Variants in ADAMTS12 observed in about 807,000 individuals in gnomAD.
The protein encoded by ADAMTS12 is A disintegrin and metalloproteinase with thrombospondin motifs 12.
Under a neutral mutation model 167.8 loss-of-function variants are expected in ADAMTS12, and 118 were observed. The observed-to-expected ratio is 0.70, with a 90% CI of 0.61 to 0.82. The LOEUF (loss-of-function observed/expected upper bound fraction) is 0.82. Among genes scored for constraint, ADAMTS12 ranks in the 40% least tolerant of loss-of-function variants. The pLI, the probability that ADAMTS12 is intolerant of heterozygous loss-of-function variation, is 0.00. For synonymous variants in ADAMTS12, 704 were observed against 716.9 expected (o/e 0.98, Z 0.29); for missense variants, 1,916 against 1,998.8 (o/e 0.96, Z 0.79).
chr5:33,660,752 G>T (rs1323480630), intron 6 of ADAMTS12, among the ~76,000 whole-genome samples: 2 of 152,110 alleles, frequency 1.3e-5, no homozygotes, highest in South Asian at 2.1e-4. Flanking sequence ...TTTCCCAGGG[G>T]ACCTATTGAT....
chr5:33,615,760 C>A, intron 15 of ADAMTS12, 68 bp downstream of exon 15: 1 of 1,582,382 alleles, frequency 6.3e-7, no homozygotes, highest in Non-Finnish European at 8.6e-7. Flanking sequence ...CTAGCAAGTA[C>A]CTTGGGGAAA....
chr5:33,539,665 G>A (rs79629827), intron 22 of ADAMTS12, among the ~76,000 whole-genome samples: 4,784 of 152,212 alleles, frequency 0.031, 272 homozygotes, highest in African/African-American at 0.11. Flanking sequence ...CACGAAAACC[G>A]AAGTATCCAG....
chr5:33,690,670 T>G (rs1264432508), intron 3 of ADAMTS12, among the ~76,000 whole-genome samples: 2 of 152,156 alleles, frequency 1.3e-5, no homozygotes. Context: ...ATAATCTGAA[T>G]GAGTCGAGAA....
At chr5:33,849,995 T>C (rs575894621) in intron 2 of ADAMTS12, among the ~76,000 whole-genome samples, 1 of 152,186 alleles carries the variant, frequency 6.6e-6, no homozygotes, top group East Asian at 1.9e-4. Context: ...GTAAATCCTT[T>C]TTATCTTTTA....
chr5:33,710,142 G>A (rs1743341391), intron 3 of ADAMTS12, among the ~76,000 whole-genome samples: 1 of 152,138 alleles, frequency 6.6e-6, no homozygotes, highest in Non-Finnish European at 1.5e-5. Flanking sequence ...AAAAAGTGTT[G>A]TGTTATATGG....
rs1744250628 is a variant in ADAMTS12 at position 33,733,188 on chromosome 5, G to A, written c.634+18216C>T. Among the ~76,000 whole-genome samples, 3 of 127,082 alleles carry A rather than the reference G, an allele frequency of 2.4e-5. No individual in the cohort carries two copies. The Admixed American group carries it at 2.5e-4, about 11-fold the overall frequency. 83.4% of individuals were successfully genotyped at this position (127,082 alleles called of 152,430 possible). ...TATTTTCCCAGTAAAAAAAATATAT[G>A]GTTATTATATTTGGTTATTATAATA... On this transcript the variant is annotated intron_variant, in intron 3 of 23. Transcript: ENST00000504830.
In ADAMTS12 at chr5:33,576,042, G is replaced by A; in HGVS notation, c.3972+12C>T. On this transcript the variant is annotated intron_variant, in intron 19 of 23. Coordinates refer to ENST00000504830, the MANE Select transcript of ADAMTS12 (RefSeq NM_030955.4). Reference sequence around the variant, plus strand: ...CCATGTAAAACCAGGCCAGGGGTAGGAAATGTCTTACCTCGCTCCAGTTTC... The same window carrying A: ...CCATGTAAAACCAGGCCAGGGGTAGAAAATGTCTTACCTCGCTCCAGTTTC... The A allele has an allele frequency of 6.2e-7, 1 of 1,601,446 alleles. No homozygotes were observed. Among genetic ancestry groups the A allele is most frequent in the Non-Finnish European group, 8.5e-7 (1 of 1,172,794 alleles).
intron 13 of ADAMTS12, among the ~76,000 whole-genome samples, chr5:33,629,642 C>T (rs917331759): frequency 1.3e-5 from 2 of 152,188 alleles, no homozygotes; most frequent in Admixed American, 1.3e-4. Flanking sequence ...ACAAAGAATA[C>T]TTTTGCAATG....
chr5:33,577,978 T>C (rs16891332), intron 18 of ADAMTS12, among the ~76,000 whole-genome samples: 8,707 of 152,276 alleles, frequency 0.057, 367 homozygotes, highest in South Asian at 0.25. Flanking sequence ...GAATCTTCAT[T>C]GCATCAATTT....
At chr5:33,530,923 G>C (rs1744064868) in intron 23 of ADAMTS12, among the ~76,000 whole-genome samples, 1 of 152,188 alleles carries the variant, frequency 6.6e-6, no homozygotes, top group African/African-American at 2.4e-5. Flanking sequence ...AATGTGATCT[G>C]ATTTGGAAAT....
chr5:33,763,429 CT>C (rs1225686510), intron 2 of ADAMTS12, among the ~76,000 whole-genome samples: 1 of 152,220 alleles, frequency 6.6e-6, no homozygotes, highest in Admixed American at 6.5e-5. Context: ...AGATTCTCCC[CT>C]GGACTCTCCA....
At chr5:33,546,419 A>G (rs1223603068) in intron 21 of ADAMTS12, among the ~76,000 whole-genome samples, 2 of 152,144 alleles carry the variant, frequency 1.3e-5, no homozygotes, top group Non-Finnish European at 2.9e-5. Context: ...AGAGGTGGAA[A>G]TATTGATGAA....
At chr5:33,862,083 T>G (rs1242378836) in intron 2 of ADAMTS12, among the ~76,000 whole-genome samples, 1 of 151,700 alleles carries the variant, frequency 6.6e-6, no homozygotes, top group Non-Finnish European at 1.5e-5. Context: ...GAGGAAAAGA[T>G]CCAAAATCGA....
At chr5:33,804,520 G>C (rs1747147903) in intron 2 of ADAMTS12, among the ~76,000 whole-genome samples, 1 of 152,198 alleles carries the variant, frequency 6.6e-6, no homozygotes, top group Non-Finnish European at 1.5e-5. Context: ...GTGTGAGCAA[G>C]AATAAATGAT....
Position 33,624,257 on chromosome 5 carries a change from T to C in ADAMTS12, c.2117A>G (p.Lys706Arg), listed in dbSNP as rs1739471386. 1 of 1,614,012 alleles carries C rather than the reference T, an allele frequency of 6.2e-7. No homozygotes were observed. Among genetic ancestry groups the C allele is most frequent in the African/African-American group, 1.3e-5 (1 of 74,944 alleles). ...GDGSSCQTVR[K>R]MFKQKEGSGY... Reference sequence around the variant, plus strand: ...AGATCCTTCCTTCTGCTTAAACATCTTTCTCACAGTCTGGCAGGAAGAGCC... The same window carrying C: ...AGATCCTTCCTTCTGCTTAAACATCCTTCTCACAGTCTGGCAGGAAGAGCC... Residue 706 changes from lysine to arginine, a missense_variant, in exon 14 of 24, where the codon AAG becomes AGG. By Grantham distance (26) the Lys-to-Arg change is conservative. Coordinates refer to ENST00000504830, the MANE Select transcript of ADAMTS12 (RefSeq NM_030955.4).
chr5:33,655,628 T>TATTTAATTTAATTTA (rs1554032472), intron 7 of ADAMTS12, among the ~76,000 whole-genome samples: 1,791 of 145,766 alleles, frequency 0.012, 30 homozygotes, highest in African/African-American at 0.04. Context: ...TAGTTTTATT[T>TATTTAATTTAATTTA]ATTTAATTTA....
chr5:33,784,801 AT>A (rs1561270168), intron 2 of ADAMTS12, among the ~76,000 whole-genome samples: 2 of 152,194 alleles, frequency 1.3e-5, no homozygotes, highest in South Asian at 4.1e-4. Context: ...CCAAGTGGCT[AT>A]TTTGGTAGAA....
chr5:33,571,146 G>A (rs981157485), intron 19 of ADAMTS12, among the ~76,000 whole-genome samples: 2,111 of 152,194 alleles, frequency 0.014, 40 homozygotes, highest in African/African-American at 0.049. Flanking sequence ...CAATAATAAT[G>A]GGAGACTTTA....
At chr5:33,608,551 ACT>A (rs1467189949) in intron 16 of ADAMTS12, among the ~76,000 whole-genome samples, 3 of 152,092 alleles carry the variant, frequency 2.0e-5, no homozygotes, top group African/African-American at 7.2e-5. Flanking sequence ...AGTTCCTTTG[ACT>A]CTCTGATAGT....
Sources: gnomAD v4.1 joint callset for allele counts (sites outside exome capture counted in the v4.1 genomes callset) on GRCh38, gnomAD v4.1.1 for gene constraint, MANE v1.5 for transcripts, NCBI Gene and HGNC (gene_info 2026-07-23, HGNC 2026-07-21) for gene names.